Variants in ST3GAL3 observed in about 807,000 individuals in gnomAD.
ST3GAL3 encodes ST3 beta-galactoside alpha-2,3-sialyltransferase 3.
In ST3GAL3, 21 loss-of-function variants were observed where a neutral mutation model predicts 50.1. The ratio of observed to expected loss-of-function variants is 0.42; its 90% CI spans 0.30 to 0.60. The LOEUF (loss-of-function observed/expected upper bound fraction) is 0.60, where lower values mean the gene tolerates loss of function less well. ST3GAL3 is among the 20% of genes least tolerant of loss of function. The pLI is 0.19. For missense variants in ST3GAL3, 353 were observed against 489.4 expected, an observed-to-expected ratio of 0.72 and a Z score of 2.63; for synonymous variants, 183 against 190.0, an observed-to-expected ratio of 0.96 and a Z score of 0.30.
At position 43,899,421 on chromosome 1, in the gene ST3GAL3, C is replaced by T. The variant is rs1319751717; in HGVS notation, c.558-120C>T. ...CTTTGGAACAGACAACTAGCGGGGGCACCTGGGGAGAATAGGTCCAGGTGA... is the reference window on the plus strand; with the variant it reads ...CTTTGGAACAGACAACTAGCGGGGGTACCTGGGGAGAATAGGTCCAGGTGA... On this transcript the variant is annotated intron_variant, in intron 8 of 11. Coordinates refer to ENST00000347631, the MANE Select transcript of ST3GAL3 (RefSeq NM_006279.5). This position sits in a 1 kb window ranked among gnomAD's most constrained non-coding sequence, Gnocchi z 5.4. The T allele has an allele frequency of 2.5e-6, 4 of 1,571,940 alleles. No homozygotes were observed. In the South Asian group the frequency reaches 4.5e-5, roughly 18 times the overall value.
intron 9 of ST3GAL3, among the ~76,000 whole-genome samples, chr1:43,904,153 G>A (rs1345205154): frequency 6.6e-6 from 1 of 152,128 alleles, no homozygotes; most frequent in Non-Finnish European, 1.5e-5. Flanking sequence ...AGAGGAGGGA[G>A]AGACAAGGAG....
intron 5 of ST3GAL3, among the ~76,000 whole-genome samples, chr1:43,848,294 C>CTTTTTTTTTTTTTTTT (rs58438507): frequency 2.8e-5 from 2 of 70,370 alleles, no homozygotes; most frequent in Non-Finnish European, 5.0e-5. Flanking sequence ...TTGTGGTTTT[C>CTTTTTTTTTTTTTTTT]TTTTTTTTTT....
intron 1 of ST3GAL3, among the ~76,000 whole-genome samples, chr1:43,734,159 T>G (rs1015333888): frequency 1.3e-5 from 2 of 152,044 alleles, no homozygotes; most frequent in Non-Finnish European, 2.9e-5. Flanking sequence ...TACTCAGATA[T>G]TTTATGTTCT....
chr1:43,802,680 A>T (rs1300504215), intron 3 of ST3GAL3, among the ~76,000 whole-genome samples: 1 of 152,238 alleles, frequency 6.6e-6, no homozygotes, highest in African/African-American at 2.4e-5. Context: ...TTTTCATGCA[A>T]CATTTTTCAT....
chr1:43,917,506 A>ATG (rs2082095243), intron 9 of ST3GAL3, among the ~76,000 whole-genome samples: 1 of 71,394 alleles, frequency 1.4e-5, no homozygotes, highest in African/African-American at 5.0e-5. Flanking sequence ...ATAATATATT[A>ATG]TATAATATAA....
chr1:43,831,871 A>G (rs1006011650), intron 4 of ST3GAL3: 4 of 152,208 alleles, frequency 2.6e-5, no homozygotes, highest in Admixed American at 6.5e-5. Context: ...TCTTCTAACC[A>G]TGGCTTCTCC....
At chr1:43,833,784 G>T (rs2063868286) in intron 4 of ST3GAL3, among the ~76,000 whole-genome samples, 1 of 152,172 alleles carries the variant, frequency 6.6e-6, no homozygotes. Context: ...GGTGGCGCAG[G>T]TCCACAGGGG....
In ST3GAL3 at chr1:43,920,838, G is replaced by T; in HGVS notation, c.948G>T (p.Glu316Asp). Reference sequence around the variant, plus strand: ...CCATGGCACTACACGGCTGTGACGAGGTGGCAGTCGCAGGATTTGGCTATG... The same window carrying T: ...CCATGGCACTACACGGCTGTGACGATGTGGCAGTCGCAGGATTTGGCTATG... ...AVTMALHGCDEVAVAGFGYDM... is the reference protein window; with the variant it reads ...AVTMALHGCDDVAVAGFGYDM... Residue 316 changes from glutamate (E) to aspartate (D), a missense_variant, in exon 11 of 12, where the codon GAG (glutamate) becomes GAT (aspartate). Glu to Asp is a conservative substitution (Grantham distance 45). Transcript: ENST00000347631. The T allele has an allele frequency of 6.2e-7, 1 of 1,614,146 alleles. No homozygotes were observed. Among genetic ancestry groups the T allele is most frequent in the South Asian group, 1.1e-5 (1 of 91,084 alleles).
At chr1:43,892,569 C>A (rs769633547) in intron 5 of ST3GAL3, among the ~76,000 whole-genome samples, 3 of 151,766 alleles carry the variant, frequency 2.0e-5, no homozygotes, top group Non-Finnish European at 4.4e-5. Context: ...AAAATTAACA[C>A]GATACAGGTT....
chr1:43,902,538 C>T (rs912384850), intron 9 of ST3GAL3, among the ~76,000 whole-genome samples: 2 of 152,200 alleles, frequency 1.3e-5, no homozygotes, highest in Non-Finnish European at 2.9e-5. Flanking sequence ...GTCCCTGACT[C>T]ACTGGACAGT....
intron 3 of ST3GAL3, among the ~76,000 whole-genome samples, chr1:43,795,618 G>A (rs1212465541): frequency 6.6e-6 from 1 of 152,166 alleles, no homozygotes; most frequent in African/African-American, 2.4e-5. Context: ...CGCCAAAAAC[G>A]TTTTAGAACT....
chr1:43,849,532 A>T (rs937893271), intron 5 of ST3GAL3, among the ~76,000 whole-genome samples: 2 of 152,230 alleles, frequency 1.3e-5, no homozygotes, highest in African/African-American at 4.8e-5. Flanking sequence ...TGTGCTTATT[A>T]AAAATGGTCG....
chr1:43,758,129 T>C (rs1363495473), intron 2 of ST3GAL3, among the ~76,000 whole-genome samples: 1 of 151,368 alleles, frequency 6.6e-6, no homozygotes, highest in Non-Finnish European at 1.5e-5. Context: ...GACACTACTC[T>C]TATACTATAC....
intron 3 of ST3GAL3, among the ~76,000 whole-genome samples, chr1:43,813,676 T>C (rs1034562382): frequency 6.6e-6 from 1 of 152,076 alleles, no homozygotes. Flanking sequence ...TCCTGGGAGG[T>C]ACTTGTCAGC....
chr1:43,815,365 A>G (rs1169915426), intron 4 of ST3GAL3, among the ~76,000 whole-genome samples: 3 of 152,158 alleles, frequency 2.0e-5, no homozygotes, highest in Non-Finnish European at 4.4e-5. Context: ...CTTGCCACAG[A>G]TGAACACTCC....
chr1:43,899,299 G>T lies in ST3GAL3; in HGVS notation c.557+36G>T. On this transcript the variant is annotated intron_variant, in intron 8 of 11. Transcript: ENST00000347631. The surrounding 1 kb of genome is among the most constrained non-coding windows in gnomAD (Gnocchi z 5.4). ...CAAAATGGCACCTCGGGTGAGTGTC[G>T]TGGCCCCAACCCTTAGTCCTGAGCC... 1.2e-5 allele frequency: 20 copies of T among 1,614,112 alleles called. No individual in the cohort carries two copies. Among genetic ancestry groups the T allele is most frequent in the Non-Finnish European group, 1.7e-5 (20 of 1,180,026 alleles).
At chr1:43,751,509 C>T (rs956297178) in intron 2 of ST3GAL3, among the ~76,000 whole-genome samples, 3 of 152,176 alleles carry the variant, frequency 2.0e-5, no homozygotes, top group African/African-American at 7.2e-5. Flanking sequence ...GACAGATACT[C>T]TGCAGCCATT....
chr1:43,809,792 C>T (rs1009758263), intron 3 of ST3GAL3, among the ~76,000 whole-genome samples: 3 of 151,758 alleles, frequency 2.0e-5, no homozygotes, highest in Admixed American at 6.6e-5. Flanking sequence ...GTCAGGAGTT[C>T]GAGACCAGCC....
intron 2 of ST3GAL3, among the ~76,000 whole-genome samples, chr1:43,768,849 T>A (rs11210917): frequency 0.35 from 53,928 of 152,048 alleles, 10,465 homozygotes; most frequent in African/African-American, 0.52. Context: ...CCAGCTTTGT[T>A]CAAACAGTTC....
Sources: gnomAD v4.1 joint callset for allele counts (sites outside exome capture counted in the v4.1 genomes callset) on GRCh38, gnomAD v4.1.1 for gene constraint, Gnocchi (gnomAD v3.1) non-coding constraint, MANE v1.5 for transcripts, NCBI Gene and HGNC (gene_info 2026-07-23, HGNC 2026-07-21) for gene names.